Variants in ITIH5 observed in about 807,000 individuals in gnomAD.
ITIH5 encodes inter-alpha-trypsin inhibitor heavy chain 5, also known as inter-alpha-trypsin inhibitor heavy chain H5.
A neutral mutation model predicts 77.5 loss-of-function variants in ITIH5; 65 were observed. That is an observed-to-expected ratio of 0.84 (90% CI 0.69 to 1.03). The LOEUF (loss-of-function observed/expected upper bound fraction) is 1.03. Among genes scored for constraint, ITIH5 ranks in the 50% least tolerant of loss-of-function variants. ITIH5 has a pLI of 0.00. For synonymous variants in ITIH5, 525 were observed against 494.3 expected (o/e 1.06, Z -0.82); for missense variants, 1,208 against 1,213.1 (o/e 1.00, Z 0.06).
intron 7 of ITIH5, among the ~76,000 whole-genome samples, chr10:7,612,608 G>C (rs1432778783): frequency 6.6e-6 from 1 of 150,680 alleles, no homozygotes; most frequent in Non-Finnish European, 1.5e-5. Context: ...TCTTCAGCAA[G>C]TTATGTTTGT....
At chr10:7,590,958 G>A (rs11517369) in intron 7 of ITIH5, among the ~76,000 whole-genome samples, 38,219 of 152,058 alleles carry the variant, frequency 0.25, 5,361 homozygotes, top group Admixed American at 0.31. Context: ...GTGCAGCGGC[G>A]CGGTATCCAC....
chr10:7,619,867 A>G (rs1466279386), intron 5 of ITIH5: 2 of 154,788 alleles, frequency 1.3e-5, no homozygotes, highest in Non-Finnish European at 2.9e-5. Context: ...ATCAATTTCC[A>G]ACCTTAACTA....
At chr10:7,620,426 T>C (rs1833455546) in intron 5 of ITIH5, 1 of 152,196 alleles carries the variant, frequency 6.6e-6, no homozygotes, top group Non-Finnish European at 1.5e-5. Flanking sequence ...AGAACACTGC[T>C]GACCTTTGAA....
At chr10:7,627,790 A>G (rs1232724364) in intron 5 of ITIH5, among the ~76,000 whole-genome samples, 1 of 151,502 alleles carries the variant, frequency 6.6e-6, no homozygotes, top group Admixed American at 6.6e-5. Flanking sequence ...CATTTTTAAC[A>G]AAAGTCAAGG....
In ITIH5 at chr10:7,576,921, G is replaced by A. The variant is rs758625288; in HGVS notation, c.1510C>T (p.Pro504Ser). ...ATCTCCGAGCCGTTGAAGTAGTTGG[G>A]GAACAGGGTCTTGGTGGCCTGCACC... ...SVVQATKTLF[P>S]NYFNGSEIII... The change falls in exon 10 of 14, where the codon CCC becomes TCC. Residue 504 changes from proline (P) to serine (S), a missense_variant. By Grantham distance (74) the Pro-to-Ser change is moderately conservative (BLOSUM62 -1). Transcript: ENST00000397146. 6.2e-7 allele frequency: 1 copy of A among 1,614,204 alleles called. No homozygotes were observed. Among genetic ancestry groups the A allele is most frequent in the East Asian group, 2.2e-5 (1 of 44,880 alleles).
At chr10:7,634,420 C>T (rs1250828450) in intron 5 of ITIH5, among the ~76,000 whole-genome samples, 2 of 152,142 alleles carry the variant, frequency 1.3e-5, no homozygotes, top group Non-Finnish European at 2.9e-5. Context: ...AAAGGGAATC[C>T]GTCCACTGCA....
rs1833639763 is a variant in ITIH5 at position 7,628,819 on chromosome 10, A to ATGTTGTAGTGTGTGTCCC, written c.652+8408_652+8409insGGGACACACACTACAACA. 1.2e-4 allele frequency among the ~76,000 whole-genome samples: 13 copies of ATGTTGTAGTGTGTGTCCC among 106,282 alleles called. 1 individual carries two copies. Among genetic ancestry groups the ATGTTGTAGTGTGTGTCCC allele is most frequent in the African/African-American group, 5.1e-4 (13 of 25,396 alleles). The allele number at this position is 106,282 out of a possible 152,430, so 69.7% of individuals were successfully genotyped here. ...TGTATCTGTGTTTTTGCATGTGTCCATGTTGTAGCGTGTGTCCCTGTTGTA... is the reference window on the plus strand; with the variant it reads ...TGTATCTGTGTTTTTGCATGTGTCCATGTTGTAGTGTGTGTCCCTGTTGTAGCGTGTGTCCCTGTTGTA... On this transcript the variant is annotated intron_variant, in intron 5 of 13. Transcript: ENST00000397146.
rs1265251492 is a variant in ITIH5 at position 7,562,058 on chromosome 10, A to T, written c.*1025T>A. 2 of 152,214 alleles carry T rather than the reference A, an allele frequency of 1.3e-5. No homozygotes were observed. The highest frequency in any genetic ancestry group is 2.9e-5 in the Non-Finnish European group (2 of 68,060). The allele number at this position is 152,214 out of a possible 1,614,324, so 9.4% of individuals were successfully genotyped here. A position where few individuals can be genotyped will look rare whatever the true frequency, so the allele number is the denominator to read the frequency against. ...CTTTTTTTCTATCTGACATGAGGGA[A>T]GCTGGAAGTCCTAGATTTCCTAAGC... On this transcript the variant is annotated 3_prime_UTR_variant, in exon 14 of 14. Transcript: ENST00000397146.
intron 5 of ITIH5, among the ~76,000 whole-genome samples, chr10:7,631,787 T>A (rs1349674937): frequency 6.6e-6 from 1 of 151,544 alleles, no homozygotes; most frequent in African/African-American, 2.4e-5. Context: ...CAACTTTGTT[T>A]AATTTTTTTT....
chr10:7,611,089 T>C (rs183284529), intron 7 of ITIH5, among the ~76,000 whole-genome samples: 1 of 152,364 alleles, frequency 6.6e-6, no homozygotes, highest in Admixed American at 6.5e-5. Flanking sequence ...GCTGCATACA[T>C]GTGTGCCTTC....
At chr10:7,640,475 CAAAAAAA>C (rs201317420) in intron 4 of ITIH5, among the ~76,000 whole-genome samples, 3 of 77,964 alleles carry the variant, frequency 3.8e-5, no homozygotes, top group African/African-American at 4.6e-5. Flanking sequence ...GACCTCATTC[CAAAAAAA>C]AAAAAAAAAG....
intron 13 of ITIH5, among the ~76,000 whole-genome samples, chr10:7,565,793 AATACATAT>A (rs1352773506): frequency 2.0e-5 from 3 of 149,192 alleles, no homozygotes; most frequent in East Asian, 1.9e-4. Context: ...GACTATATAT[AATACATAT>A]ATACATATAT....
rs1026102220 is a variant in ITIH5 at position 7,562,762 on chromosome 10, G to C, written c.*321C>G. ...AGGCTTACTTTATGATATGCTAACA[G>C]AACAGAAAAGCAGGTTGGGACAAGA... On this transcript the variant is annotated 3_prime_UTR_variant, in exon 14 of 14. Coordinates refer to ENST00000397146, the MANE Select transcript of ITIH5 (RefSeq NM_030569.7). 18 of 314,498 alleles carry C rather than the reference G, an allele frequency of 5.7e-5. No individual in the cohort carries two copies. The East Asian group carries it at 9.7e-4, about 17-fold the overall frequency. The allele number at this position is 314,498 out of a possible 1,614,324, so 19.5% of individuals were successfully genotyped here.
intron 7 of ITIH5, among the ~76,000 whole-genome samples, chr10:7,602,847 A>G (rs1199822846): frequency 6.6e-6 from 1 of 152,128 alleles, no homozygotes; most frequent in Non-Finnish European, 1.5e-5. Context: ...CTTCTTTAAT[A>G]ACAGCTCCAT....
Position 7,634,844 on chromosome 10 carries a change from CT to C in ITIH5, c.652+2383del, listed in dbSNP as rs542817699. Among the ~76,000 whole-genome samples the C allele has an allele frequency of 7.5e-3, 1,143 of 152,312 alleles. 28 individuals carry two copies. The highest frequency in any genetic ancestry group is 5.0e-3 in the Non-Finnish European group (338 of 68,028). ...TACGAGATCCTGACAACTCTGCCCC[CT>C]GAGAAAATACTTCTTTCCCACAGTT... On this transcript the variant is annotated intron_variant, in intron 5 of 13. Transcript: ENST00000397146.
chr10:7,663,915 C>T (rs1834319508), intron 1 of ITIH5, among the ~76,000 whole-genome samples: 1 of 152,190 alleles, frequency 6.6e-6, no homozygotes, highest in Non-Finnish European at 1.5e-5. Context: ...TACAGATACT[C>T]AATAACTGGT....
intron 5 of ITIH5, among the ~76,000 whole-genome samples, chr10:7,631,229 C>A (rs1195151325): frequency 6.6e-6 from 1 of 152,104 alleles, no homozygotes; most frequent in Non-Finnish European, 1.5e-5. Flanking sequence ...ATGGGTGAGG[C>A]TTAAGCAATA....
chr10:7,609,963 G>C (rs1833208265), intron 7 of ITIH5, among the ~76,000 whole-genome samples: 1 of 151,818 alleles, frequency 6.6e-6, no homozygotes, highest in African/African-American at 2.4e-5. Context: ...AGGACTACAT[G>C]TCTGTCTGCA....
chr10:7,567,280 T>C (rs980612546), intron 12 of ITIH5, among the ~76,000 whole-genome samples: 3 of 151,730 alleles, frequency 2.0e-5, no homozygotes, highest in African/African-American at 7.3e-5. Flanking sequence ...ATACATATTT[T>C]GTACCTACCA....
Sources: gnomAD v4.1 joint callset for allele counts (sites outside exome capture counted in the v4.1 genomes callset) on GRCh38, gnomAD v4.1.1 for gene constraint, MANE v1.5 for transcripts, NCBI Gene and HGNC (gene_info 2026-07-23, HGNC 2026-07-21) for gene names.